ZBTB44: variants seen among roughly 807,000 people sequenced by gnomAD.
ZBTB44 encodes zinc finger and BTB domain containing 44.
Under a neutral mutation model 54.0 loss-of-function variants are expected in ZBTB44, and 15 were observed. That is an observed-to-expected ratio of 0.28 (90% CI 0.19 to 0.43). ZBTB44 has a LOEUF of 0.43. Among genes scored for constraint, ZBTB44 ranks in the 20% least tolerant of loss-of-function variants. The probability of loss-of-function intolerance (pLI) is 1.00; values close to 1 mark genes in which losing one functional copy is unlikely to be tolerated. For missense variants in ZBTB44, 487 were observed against 707.1 expected, an observed-to-expected ratio of 0.69 and a Z score of 3.53; for synonymous variants, 230 against 250.1, an observed-to-expected ratio of 0.92 and a Z score of 0.76.
intron 1 of ZBTB44, among the ~76,000 whole-genome samples, chr11:130,275,614 T>C (rs767587362): frequency 8.5e-5 from 13 of 152,214 alleles, no homozygotes; most frequent in Non-Finnish European, 1.6e-4. Flanking sequence ...TTTCATTCCA[T>C]ATGGTCTCAG....
chr11:130,266,514 C>A (rs1045149445), intron 1 of ZBTB44, among the ~76,000 whole-genome samples: 1 of 152,150 alleles, frequency 6.6e-6, no homozygotes, highest in African/African-American at 2.4e-5. Context: ...ATACTGATTC[C>A]TCTGACGGAT....
chr11:130,314,827 G>A lies in ZBTB44; in HGVS notation c.-509C>T, dbSNP rs1942853678. 3.1e-5 allele frequency: 1 copy of A among 32,130 alleles called. No homozygotes were observed. Among genetic ancestry groups the A allele is most frequent in the East Asian group, 8.4e-4 (1 of 1,188 alleles). The allele number at this position is 32,130 out of a possible 1,614,324, so 2.0% of individuals were successfully genotyped here. On this transcript the variant is annotated 5_prime_UTR_variant, in exon 1 of 8. Transcript: ENST00000357899. Reference sequence around the variant, plus strand: ...GAGGGGAGGGGGAGGTTGGGAGGGAGCCGCCGCCGCGCGCGTGCGGCCGGC... The same window carrying A: ...GAGGGGAGGGGGAGGTTGGGAGGGAACCGCCGCCGCGCGCGTGCGGCCGGC...
chr11:130,247,218 A>C (rs1937617660), intron 2 of ZBTB44, among the ~76,000 whole-genome samples: 2 of 152,204 alleles, frequency 1.3e-5, no homozygotes, highest in African/African-American at 2.4e-5. Flanking sequence ...ATGAGCAACA[A>C]ACTCAACCTG....
At position 130,254,381 on chromosome 11, in the gene ZBTB44, AAAC is replaced by A. The variant is rs545665046; in HGVS notation, c.1018+6472_1018+6474del. Among the ~76,000 whole-genome samples, 54 of 152,328 alleles carry A rather than the reference AAAC, an allele frequency of 3.5e-4. No individual in the cohort carries two copies. In the East Asian group the frequency reaches 7.5e-3, roughly 21 times the overall value. On this transcript the variant is annotated intron_variant, in intron 2 of 7. Coordinates refer to ENST00000357899, the MANE Select transcript of ZBTB44 (RefSeq NM_001301098.2). Reference sequence around the variant, plus strand: ...TCAAACAAATTTACAAGAAAAAAACAAACAACAACAACCCCATCAGAAAGTGGG... The same window carrying A: ...TCAAACAAATTTACAAGAAAAAAACAAACAACAACCCCATCAGAAAGTGGG...
intron 2 of ZBTB44, 64 bp downstream of exon 2, chr11:130,260,792 A>G: frequency 4.0e-6 from 6 of 1,505,024 alleles, no homozygotes; most frequent in Non-Finnish European, 5.3e-6. Flanking sequence ...TTTTTATCTA[A>G]CAGGAACTTA....
chr11:130,270,624 TGGTGGCAGCAGTGAGGATAAAG>T (rs145889103), intron 1 of ZBTB44, among the ~76,000 whole-genome samples: 3,864 of 152,238 alleles, frequency 0.025, 136 homozygotes, highest in African/African-American at 0.077. Flanking sequence ...GAAGATTTCT[TGGTGGCAGCAGTGAGGATAAAG>T]AAAATGCATC....
chr11:130,298,149 AT>A (rs59096083), intron 1 of ZBTB44, among the ~76,000 whole-genome samples: 8,163 of 147,360 alleles, frequency 0.055, 567 homozygotes, highest in African/African-American at 0.16. Context: ...ATAATTGATG[AT>A]TTTTTTTTTT....
At chr11:130,308,282 C>A (rs1430855491) in intron 1 of ZBTB44, among the ~76,000 whole-genome samples, 1 of 152,144 alleles carries the variant, frequency 6.6e-6, no homozygotes, top group Non-Finnish European at 1.5e-5. Flanking sequence ...GAACATATCC[C>A]CGTTGCAATC....
chr11:130,289,076 G>A (rs1224362728), intron 1 of ZBTB44, among the ~76,000 whole-genome samples: 1 of 152,150 alleles, frequency 6.6e-6, no homozygotes, highest in Non-Finnish European at 1.5e-5. Context: ...AATGTGATGT[G>A]GGAAGTGCTC....
intron 1 of ZBTB44, among the ~76,000 whole-genome samples, chr11:130,302,047 G>A (rs1942015712): frequency 7.2e-6 from 1 of 138,700 alleles, no homozygotes; most frequent in African/African-American, 2.9e-5. Context: ...GGGAGACCCT[G>A]TCTCAAAAAA....
intron 1 of ZBTB44, among the ~76,000 whole-genome samples, chr11:130,273,541 G>A (rs950524303): frequency 1.3e-5 from 2 of 151,846 alleles, no homozygotes; most frequent in South Asian, 2.1e-4. Context: ...TCAAACTCCC[G>A]GGCTCAAGCA....
Position 130,261,801 on chromosome 11 carries a change from GC to G in ZBTB44, c.72del (p.Arg25GlufsTer25). ...SQEMLGKLNM[L>X]RNDGHFCDIT... Reference sequence around the variant, plus strand: ...ATATCACAAAAATGTCCATCATTTCGCAGCATATTTAGCTTTCCAAGCATTT... The same window carrying G: ...ATATCACAAAAATGTCCATCATTTCGAGCATATTTAGCTTTCCAAGCATTT... On this transcript the variant is annotated frameshift_variant, in exon 2 of 8. Transcript: ENST00000357899. LOFTEE classifies it high-confidence loss of function. The surrounding 1 kb of genome is among the most constrained non-coding windows in gnomAD (Gnocchi z 4.8). The G allele has an allele frequency of 6.2e-7, 1 of 1,614,006 alleles. No individual in the cohort carries two copies. The highest frequency in any genetic ancestry group is 8.5e-7 in the Non-Finnish European group (1 of 1,179,890).
chr11:130,244,667 G>GAAAAAAAA (rs11360161), intron 2 of ZBTB44, among the ~76,000 whole-genome samples: 1 of 104,800 alleles, frequency 9.5e-6, no homozygotes, highest in South Asian at 3.1e-4. Context: ...ACTCTGTCTG[G>GAAAAAAAA]AAAAAAAAAA....
At chr11:130,275,306 T>G (rs769370596) in intron 1 of ZBTB44, among the ~76,000 whole-genome samples, 4 of 152,202 alleles carry the variant, frequency 2.6e-5, no homozygotes, top group Non-Finnish European at 5.9e-5. Context: ...TAATGTCGTA[T>G]CTTCATTTTT....
At chr11:130,252,936 C>T (rs1364447793) in intron 2 of ZBTB44, among the ~76,000 whole-genome samples, 1 of 152,136 alleles carries the variant, frequency 6.6e-6, no homozygotes, top group Non-Finnish European at 1.5e-5. Context: ...CGTAATCCAG[C>T]ATATAAACAG....
chr11:130,249,253 A>C (rs1417391055), intron 2 of ZBTB44, among the ~76,000 whole-genome samples: 1 of 152,208 alleles, frequency 6.6e-6, no homozygotes, highest in Non-Finnish European at 1.5e-5. Context: ...AAATGATTAA[A>C]ATTATAATTA....
chr11:130,313,570 G>A (rs1942746903), intron 1 of ZBTB44, among the ~76,000 whole-genome samples: 1 of 152,094 alleles, frequency 6.6e-6, no homozygotes, highest in Admixed American at 6.5e-5. Context: ...AATCAAAATC[G>A]TGCAGCTTGC....
chr11:130,249,020 C>T (rs1397873794), intron 2 of ZBTB44, among the ~76,000 whole-genome samples: 1 of 152,142 alleles, frequency 6.6e-6, no homozygotes, highest in African/African-American at 2.4e-5. Context: ...AGGAGAATTG[C>T]TTGAACCCAG....
At chr11:130,293,847 T>C (rs1390225945) in intron 1 of ZBTB44, among the ~76,000 whole-genome samples, 1 of 152,130 alleles carries the variant, frequency 6.6e-6, no homozygotes, top group Non-Finnish European at 1.5e-5. Context: ...TAGTTGTTTT[T>C]CAATGAAACA....
Sources: allele counts gnomAD v4.1 joint callset (sites outside exome capture counted in the v4.1 genomes callset), GRCh38; gene constraint gnomAD v4.1.1; non-coding constraint Gnocchi (gnomAD v3.1); transcripts MANE v1.5; gene names NCBI Gene and HGNC (gene_info 2026-07-23, HGNC 2026-07-21).